GUCY1A2: variants seen among roughly 807,000 people sequenced by gnomAD.
The protein encoded by GUCY1A2 is guanylate cyclase soluble subunit alpha-2.
A neutral mutation model predicts 63.5 loss-of-function variants in GUCY1A2; 27 were observed. The ratio of observed to expected loss-of-function variants is 0.43; its 90% confidence interval spans 0.31 to 0.59. The LOEUF is 0.59. Among genes scored for constraint, GUCY1A2 ranks in the 20% least tolerant of loss-of-function variants. The pLI, the probability that GUCY1A2 is intolerant of heterozygous loss-of-function variation, is 0.11. For synonymous variants in GUCY1A2, 364 were observed against 343.5 expected (o/e 1.06, Z -0.66); for missense variants, 768 against 913.3 (o/e 0.84, Z 2.05).
intron 1 of GUCY1A2, 129 bp from the exon 2 acceptor site, chr11:106,986,260 C>T (rs186594175): frequency 1.8e-6 from 1 of 554,368 alleles, no homozygotes; most frequent in East Asian, 3.0e-5. Context: ...CAGTATTAAC[C>T]CATTTTGCAT....
intron 4 of GUCY1A2, among the ~76,000 whole-genome samples, chr11:106,854,353 G>T (rs965341757): frequency 6.6e-6 from 1 of 152,184 alleles, no homozygotes; most frequent in Non-Finnish European, 1.5e-5. Flanking sequence ...AGGTTGAGTG[G>T]CCTGTCTCTG....
intron 1 of GUCY1A2, among the ~76,000 whole-genome samples, chr11:107,014,753 CGATGA>C (rs1185017459): frequency 6.6e-6 from 1 of 152,120 alleles, no homozygotes; most frequent in East Asian, 1.9e-4. Flanking sequence ...AGACATGCCA[CGATGA>C]GACAACTGAC....
chr11:106,781,599 G>A (rs978114526), intron 5 of GUCY1A2, among the ~76,000 whole-genome samples: 4 of 151,966 alleles, frequency 2.6e-5, no homozygotes, highest in Non-Finnish European at 5.9e-5. Flanking sequence ...GTCTCACTCT[G>A]CCTACTTAGA....
chr11:106,978,531 C>G (rs1048637323), intron 3 of GUCY1A2, 88 bp downstream of exon 3: 49 of 862,158 alleles, frequency 5.7e-5, no homozygotes, highest in Admixed American at 1.3e-4. Flanking sequence ...CTCCACATCT[C>G]TCTTTGGTAG....
chr11:106,932,207 T>C (rs1205333014), intron 4 of GUCY1A2, among the ~76,000 whole-genome samples: 1 of 152,148 alleles, frequency 6.6e-6, no homozygotes, highest in African/African-American at 2.4e-5. Context: ...TACCTCCTGT[T>C]ATGCTCAGGG....
intron 6 of GUCY1A2, among the ~76,000 whole-genome samples, chr11:106,753,028 C>T (rs1863910767): frequency 6.6e-6 from 1 of 152,084 alleles, no homozygotes; most frequent in Non-Finnish European, 1.5e-5. Flanking sequence ...TCTGTTGTTT[C>T]CTGACTTTTA....
chr11:106,749,424 T>G (rs1591260754), intron 6 of GUCY1A2, among the ~76,000 whole-genome samples: 1 of 152,058 alleles, frequency 6.6e-6, no homozygotes. Flanking sequence ...CCTAACAGAA[T>G]CCCTCTGCTG....
intron 6 of GUCY1A2, among the ~76,000 whole-genome samples, chr11:106,752,989 A>G (rs1172217832): frequency 3.9e-5 from 6 of 152,152 alleles, no homozygotes; most frequent in Admixed American, 3.9e-4. Flanking sequence ...GCATAAAAGC[A>G]TTCCTATTTC....
At chr11:106,729,624 T>C (rs947224722) in intron 6 of GUCY1A2, among the ~76,000 whole-genome samples, 5 of 152,136 alleles carry the variant, frequency 3.3e-5, no homozygotes, top group Non-Finnish European at 7.4e-5. Context: ...CAGCTTATTA[T>C]TGTAATATCA....
Position 106,692,604 on chromosome 11 carries a change from G to A in GUCY1A2, c.1992-4848C>T, listed in dbSNP as rs1862643881. ...GGGTCTGACACTTATTCATACTGAA[G>A]TACAAATGATCTAAATGTAGTTCAA... On this transcript the variant is annotated intron_variant, in intron 7 of 7. Transcript: ENST00000526355. Among the ~76,000 whole-genome samples the A allele has an allele frequency of 2.0e-5, 3 of 152,078 alleles. No homozygotes were observed. The South Asian group carries it at 6.2e-4, about 31-fold the overall frequency.
intron 3 of GUCY1A2, among the ~76,000 whole-genome samples, chr11:106,942,143 T>A (rs1860760153): frequency 6.6e-6 from 1 of 152,226 alleles, no homozygotes. Flanking sequence ...CTGTTGAAAC[T>A]GCTTTCATAA....
At chr11:106,866,245 TA>T (rs557503888) in intron 4 of GUCY1A2, among the ~76,000 whole-genome samples, 64 of 150,256 alleles carry the variant, frequency 4.3e-4, no homozygotes, top group South Asian at 1.1e-3. Context: ...GTTCTTGAAT[TA>T]AAAAAAAAAT....
chr11:106,721,710 C>T (rs957251041), intron 6 of GUCY1A2, among the ~76,000 whole-genome samples: 3 of 152,088 alleles, frequency 2.0e-5, no homozygotes, highest in African/African-American at 4.8e-5. Context: ...ATTATGAAAA[C>T]GAAATCAACC....
chr11:106,784,568 T>C (rs907720474), intron 5 of GUCY1A2, among the ~76,000 whole-genome samples: 3 of 152,176 alleles, frequency 2.0e-5, no homozygotes, highest in African/African-American at 7.2e-5. Flanking sequence ...CTCTTTGGCA[T>C]CTGGGCATAA....
At chr11:106,785,338 A>T (rs1204232310) in intron 5 of GUCY1A2, among the ~76,000 whole-genome samples, 1 of 152,070 alleles carries the variant, frequency 6.6e-6, no homozygotes, top group African/African-American at 2.4e-5. Context: ...CTATCTCAGC[A>T]CTCAGCCCTC....
chr11:106,975,537 T>C (rs1420133224), intron 3 of GUCY1A2, among the ~76,000 whole-genome samples: 3 of 152,144 alleles, frequency 2.0e-5, no homozygotes, highest in African/African-American at 7.2e-5. Context: ...CTACTATCTT[T>C]CTTTGCATGG....
intron 4 of GUCY1A2, among the ~76,000 whole-genome samples, chr11:106,915,560 T>A (rs1467764845): frequency 2.0e-5 from 3 of 146,806 alleles, no homozygotes. Flanking sequence ...GGCTAGAACA[T>A]TGCCTAATTT....
chr11:106,848,557 C>T (rs367552498), intron 4 of GUCY1A2, among the ~76,000 whole-genome samples: 1 of 151,554 alleles, frequency 6.6e-6, no homozygotes, highest in Admixed American at 6.6e-5. Context: ...TTTGGAAGCA[C>T]CCCAAAGTGA....
At chr11:106,844,233 C>T (rs551096712) in intron 4 of GUCY1A2, among the ~76,000 whole-genome samples, 6 of 151,748 alleles carry the variant, frequency 4.0e-5, no homozygotes, top group Non-Finnish European at 7.4e-5. Flanking sequence ...GGAAATATGG[C>T]CCATGCTGTC....
Sources: allele counts gnomAD v4.1 joint callset (sites outside exome capture counted in the v4.1 genomes callset), GRCh38; gene constraint gnomAD v4.1.1; transcripts MANE v1.5; gene names NCBI Gene and HGNC (gene_info 2026-07-23, HGNC 2026-07-21).